The following PCYT1A variants were observed in gnomAD, a reference collection of about 807,000 sequenced individuals.
PCYT1A encodes phosphate cytidylyltransferase 1A, choline.
Under a neutral mutation model 43.7 loss-of-function variants are expected in PCYT1A, and 25 were observed. That is an observed-to-expected ratio of 0.57 (90% confidence interval 0.42 to 0.80). PCYT1A has a LOEUF of 0.80. Among genes scored for constraint, PCYT1A ranks in the 30% least tolerant of loss-of-function variants. The pLI, the probability that PCYT1A is intolerant of heterozygous loss-of-function variation, is 0.00. For missense variants in PCYT1A, 421 were observed against 474.2 expected (o/e 0.89, Z 1.04); for synonymous variants, 172 against 170.7 (o/e 1.01, Z -0.06).
At chr3:196,286,805 T>C (rs1449996696) in intron 1 of PCYT1A, among the ~76,000 whole-genome samples, 2 of 152,066 alleles carry the variant, frequency 1.3e-5, no homozygotes, top group East Asian at 3.9e-4. Flanking sequence ...TCCCAGCTAC[T>C]AGGGAGGCTG....
At chr3:196,279,833 T>C (rs1725704062) in intron 1 of PCYT1A, among the ~76,000 whole-genome samples, 1 of 141,938 alleles carries the variant, frequency 7.0e-6, no homozygotes, top group African/African-American at 2.6e-5. Context: ...TTTCTTTTTT[T>C]TTTTTTTTTT....
intron 1 of PCYT1A, among the ~76,000 whole-genome samples, chr3:196,274,495 T>G (rs1725531222): frequency 1.4e-5 from 2 of 139,038 alleles, no homozygotes; most frequent in Non-Finnish European, 3.1e-5. Context: ...ATAAATTACT[T>G]TCTTGATACT....
Position 196,238,729 on chromosome 3 carries a change from T to C in PCYT1A, c.1063A>G (p.Lys355Glu). 1 of 1,590,102 alleles carries C rather than the reference T, an allele frequency of 6.3e-7. No homozygotes were observed. The highest frequency in any genetic ancestry group is 8.6e-7 in the Non-Finnish European group (1 of 1,169,242). The change falls in exon 9 of 9, where the codon AAG becomes GAG. Residue 355 changes from lysine (K) to glutamate (E), a missense_variant. Lys to Glu is a moderately conservative substitution (Grantham distance 56, BLOSUM62 1). Transcript: ENST00000431016. ...TCACTGATATCATAGGCTGCAGCCT[T>C]GTGCCTGGAGAGATTTGCTGGGGAG... ...PCSPANLSRH[K>E]AAAYDISEDE...
rs1238688794 is a variant in PCYT1A at position 196,242,741 on chromosome 3, G to A, written c.487-101C>T. Reference sequence around the variant, plus strand: ...GAAAAAGGACAATAGGCAGAGGCCAGGCCTCAGTGGACTTCATATCTCTCT... The same window carrying A: ...GAAAAAGGACAATAGGCAGAGGCCAAGCCTCAGTGGACTTCATATCTCTCT... On this transcript the variant is annotated intron_variant, in intron 5 of 8. Coordinates refer to ENST00000431016, the MANE Select transcript of PCYT1A (RefSeq NM_001312673.2). This position sits in a 1 kb window ranked among gnomAD's most constrained non-coding sequence, Gnocchi z 4.2. 6.4e-6 allele frequency: 5 copies of A among 776,132 alleles called. No individual in the cohort carries two copies. Among genetic ancestry groups the A allele is most frequent in the East Asian group, 4.9e-5 (2 of 40,882 alleles). 48.1% of individuals were successfully genotyped at this position (776,132 alleles called of 1,614,324 possible). A position where few individuals can be genotyped will look rare whatever the true frequency, so the allele number is the denominator to read the frequency against.
intron 3 of PCYT1A, among the ~76,000 whole-genome samples, chr3:196,251,879 T>C (rs1724799995): frequency 1.3e-5 from 2 of 152,224 alleles, no homozygotes; most frequent in Admixed American, 1.3e-4. Flanking sequence ...TTGTATTTTA[T>C]GGATATTAAA....
In PCYT1A at chr3:196,257,829, T is replaced by G. The variant is rs561949003; in HGVS notation, c.176A>C (p.Tyr59Ser). 7 of 1,613,106 alleles carry G rather than the reference T, an allele frequency of 4.3e-6. No homozygotes were observed. The African/African-American group carries it at 6.7e-5, about 15-fold the overall frequency. The change falls in exon 3 of 9, where the codon TAT becomes TCT. Residue 59 changes from tyrosine (Y) to serine (S), a missense_variant. This residue lies in a region of PCYT1A where 139 missense variants were observed against 117.7 expected (regional missense o/e 1.18). Coordinates refer to ENST00000431016, the MANE Select transcript of PCYT1A (RefSeq NM_001312673.2). The part of the protein sequence containing the change: ...DEIEVDFSKP[Y>S]VRVTMEEASR... ...GGCTTCTTCCATAGTTACCCTGACA[T>G]AGGGCTTACTAAAGTCAACTTCAAT...
At position 196,282,415 on chromosome 3, in the gene PCYT1A, G is replaced by T. The variant is rs2108783711; in HGVS notation, c.-11+5200C>A. On this transcript the variant is annotated intron_variant, in intron 1 of 8. Coordinates refer to ENST00000431016, the MANE Select transcript of PCYT1A (RefSeq NM_001312673.2). This position sits in a 1 kb window ranked among gnomAD's most constrained non-coding sequence, Gnocchi z 4.3. ...TGGGTTATGGAACTCATATCTCTGA[G>T]GCAGGGTCTATGATAGAATTCAGGA... 6.6e-6 allele frequency among the ~76,000 whole-genome samples: 1 copy of T among 152,304 alleles called. No homozygotes were observed. Among genetic ancestry groups the T allele is most frequent in the African/African-American group, 2.4e-5 (1 of 41,566 alleles).
At chr3:196,258,501 T>C (rs1725011631) in intron 2 of PCYT1A, among the ~76,000 whole-genome samples, 2 of 152,144 alleles carry the variant, frequency 1.3e-5, no homozygotes. Context: ...AGTTCTAGTA[T>C]CCGTTGTTGT....
In PCYT1A at chr3:196,242,387, C is replaced by T; in HGVS notation, c.565+175G>A. 1.4e-6 allele frequency: 1 copy of T among 713,490 alleles called. No individual in the cohort carries two copies. Among genetic ancestry groups the T allele is most frequent in the Non-Finnish European group, 2.6e-6 (1 of 385,038 alleles). 44.2% of individuals were successfully genotyped at this position (713,490 alleles called of 1,614,324 possible). A position where few individuals can be genotyped will look rare whatever the true frequency, so the allele number is the denominator to read the frequency against. Reference sequence around the variant, plus strand: ...ACCAAGAATTGATGGATGTCATGAACTGACGACAAAGAATTGATGGGTGCT... The same window carrying T: ...ACCAAGAATTGATGGATGTCATGAATTGACGACAAAGAATTGATGGGTGCT... On this transcript the variant is annotated intron_variant, in intron 6 of 8. Transcript: ENST00000431016. The surrounding 1 kb of genome is among the most constrained non-coding windows in gnomAD (Gnocchi z 4.2).
chr3:196,282,494 A>T lies in PCYT1A; in HGVS notation c.-11+5121T>A, dbSNP rs1461092417. Among the ~76,000 whole-genome samples the T allele has an allele frequency of 6.6e-6, 1 of 152,220 alleles. No individual in the cohort carries two copies. The highest frequency in any genetic ancestry group is 1.5e-5 in the Non-Finnish European group (1 of 68,038). On this transcript the variant is annotated intron_variant, in intron 1 of 8. Coordinates refer to ENST00000431016, the MANE Select transcript of PCYT1A (RefSeq NM_001312673.2). This position sits in a 1 kb window ranked among gnomAD's most constrained non-coding sequence, Gnocchi z 4.3. ...TATCTTTATTTTCACTTCAGTGATG[A>T]ACATAAGCTACAGCAGTAATAGCAG...
At chr3:196,259,426 A>C (rs1025197384) in intron 2 of PCYT1A, among the ~76,000 whole-genome samples, 1 of 152,190 alleles carries the variant, frequency 6.6e-6, no homozygotes, top group African/African-American at 2.4e-5. Context: ...TCCGTTCTAA[A>C]AAGATCGTAT....
intron 1 of PCYT1A, among the ~76,000 whole-genome samples, chr3:196,280,110 C>G (rs896906488): frequency 6.6e-6 from 1 of 152,104 alleles, no homozygotes; most frequent in African/African-American, 2.4e-5. Context: ...GGATTACAGG[C>G]GTGAGCCACC....
rs1413468878 is a variant in PCYT1A at position 196,242,605 on chromosome 3, TGAATAAG to T, written c.515_521del (p.Pro172HisfsTer76). On this transcript the variant is annotated frameshift_variant, in exon 6 of 9. Coordinates refer to ENST00000431016, the MANE Select transcript of PCYT1A (RefSeq NM_001312673.2). LOFTEE classifies it high-confidence loss of function. The surrounding 1 kb of genome is among the most constrained non-coding windows in gnomAD (Gnocchi z 4.2). ...TATAAACATCATCACTGCCAGCAGA[TGAATAAG>T]GAATATCATCATGGGCTACAAAATC... The T allele has an allele frequency of 2.5e-6, 4 of 1,612,100 alleles. No homozygotes were observed. The highest frequency in any genetic ancestry group is 3.4e-6 in the Non-Finnish European group (4 of 1,178,274).
chr3:196,243,475 G>T (rs2108763378), intron 5 of PCYT1A, among the ~76,000 whole-genome samples: 1 of 152,120 alleles, frequency 6.6e-6, no homozygotes, highest in Non-Finnish European at 1.5e-5. Context: ...CAAACCGAAG[G>T]CCATAAGAGA....
At chr3:196,248,125 G>A in intron 4 of PCYT1A, 82 bp downstream of exon 4, 3 of 796,354 alleles carry the variant, frequency 3.8e-6, no homozygotes, top group Non-Finnish European at 6.7e-6. Flanking sequence ...GGAAACAAGA[G>A]CCAGTGTACT....
At position 196,270,467 on chromosome 3, in the gene PCYT1A, T is replaced by C. The variant is rs753801861; in HGVS notation, c.65A>G (p.Asn22Ser). The change falls in exon 2 of 9, where the codon AAC becomes AGC. Residue 22 changes from asparagine to serine, a missense_variant. Around this residue, in one of 3 missense-constraint regions of PCYT1A, gnomAD observed 139 missense variants for 117.7 expected, o/e 1.18. Transcript: ENST00000431016. ...AACCCCATCTTCTTCTGTTGCCCCG[T>C]TGGGTCCGGGCGCCTCTTTTCTCCT... ...RKRRKEAPGP[N>S]GATEEDGVPS... The C allele has an allele frequency of 9.3e-6, 15 of 1,614,066 alleles. No homozygotes were observed. Among genetic ancestry groups the C allele is most frequent in the African/African-American group, 5.3e-5 (4 of 74,928 alleles).
chr3:196,245,031 A>G (rs530597150), intron 5 of PCYT1A, among the ~76,000 whole-genome samples: 12 of 152,190 alleles, frequency 7.9e-5, no homozygotes, highest in Non-Finnish European at 1.6e-4. Context: ...TCCGTCCACT[A>G]TTGTCCTATG....
intron 2 of PCYT1A, among the ~76,000 whole-genome samples, chr3:196,264,006 A>C (rs1409145876): frequency 6.6e-6 from 1 of 152,148 alleles, no homozygotes; most frequent in African/African-American, 2.4e-5. Context: ...GAATGTAAAC[A>C]ATGAGCTCAT....
intron 7 of PCYT1A, chr3:196,241,006 A>G (rs1475888648): frequency 6.6e-6 from 1 of 152,032 alleles, no homozygotes; most frequent in African/African-American, 2.4e-5. Context: ...CAAAATGTAT[A>G]GTGTTGGCTG....
Sources: allele counts gnomAD v4.1 joint callset (sites outside exome capture counted in the v4.1 genomes callset), GRCh38; gene constraint gnomAD v4.1.1; regional missense constraint gnomAD v4.1.1; non-coding constraint Gnocchi (gnomAD v3.1); transcripts MANE v1.5; gene names NCBI Gene and HGNC (gene_info 2026-07-23, HGNC 2026-07-21).